RALGPS1: variants seen among roughly 807,000 people sequenced by gnomAD.
The protein encoded by RALGPS1 is Ral GEF with PH domain and SH3 binding motif 1, also known as ras-specific guanine nucleotide-releasing factor RalGPS1.
A neutral mutation model predicts 78.8 loss-of-function variants in RALGPS1; 19 were observed. That is an observed-to-expected ratio of 0.24 (90% CI 0.17 to 0.35). The LOEUF is 0.35. Among genes scored for constraint, RALGPS1 ranks in the 10% least tolerant of loss-of-function variants. The pLI is 1.00. For missense variants in RALGPS1, 454 were observed against 688.3 expected, an observed-to-expected ratio of 0.66 and a Z score of 3.81; for synonymous variants, 228 against 256.3, an observed-to-expected ratio of 0.89 and a Z score of 1.06.
Position 127,221,961 on chromosome 9 carries a change from G to A in RALGPS1, c.*3192G>A. The A allele has an allele frequency of 6.6e-6, 1 of 152,046 alleles. No individual in the cohort carries two copies. The highest frequency in any genetic ancestry group is 1.9e-4 in the East Asian group (1 of 5,198). 9.4% of individuals were successfully genotyped at this position (152,046 alleles called of 1,614,324 possible). On this transcript the variant is annotated 3_prime_UTR_variant, in exon 19 of 19. Coordinates refer to ENST00000259351, the MANE Select transcript of RALGPS1 (RefSeq NM_014636.3). ...AGCACTGCCAAAAATACAGCTTTCT[G>A]GTTTGTGAGCCCATAAATGACTTAA...
intron 4 of RALGPS1, among the ~76,000 whole-genome samples, chr9:126,994,960 CT>C (rs1021553301): frequency 1.3e-5 from 2 of 152,174 alleles, no homozygotes; most frequent in African/African-American, 4.8e-5. Context: ...AAATAAAACA[CT>C]TTACAGACAA....
In RALGPS1 at chr9:127,214,716, C is replaced by T. The variant is rs1490966740; in HGVS notation, c.1553-35C>T. On this transcript the variant is annotated intron_variant, in intron 17 of 18. Transcript: ENST00000259351. Reference sequence around the variant, plus strand: ...GTCACCAGCTGACCCTCCTACGTGGCCCTCTTCTTAACTCATGGTTTCTCT... The same window carrying T: ...GTCACCAGCTGACCCTCCTACGTGGTCCTCTTCTTAACTCATGGTTTCTCT... The T allele has an allele frequency of 6.3e-6, 10 of 1,581,982 alleles. No homozygotes were observed. In the East Asian group the frequency reaches 2.1e-4, roughly 33 times the overall value.
At chr9:127,034,279 C>G in intron 4 of RALGPS1, 152 bp from the exon 5 acceptor site, 2 of 686,422 alleles carry the variant, frequency 2.9e-6, no homozygotes, top group Non-Finnish European at 5.3e-6. Flanking sequence ...CACCTACAAA[C>G]CCAGCCCTTC....
chr9:127,203,441 A>G (rs2061750446), intron 14 of RALGPS1, among the ~76,000 whole-genome samples: 2 of 152,356 alleles, frequency 1.3e-5, no homozygotes, highest in East Asian at 3.9e-4. Flanking sequence ...CCCTGGTCGG[A>G]ATCACCTGTC....
chr9:127,127,423 C>T (rs2056697472), intron 8 of RALGPS1, among the ~76,000 whole-genome samples: 1 of 152,204 alleles, frequency 6.6e-6, no homozygotes, highest in African/African-American at 2.4e-5. Flanking sequence ...AATTTGTTTT[C>T]TCACCCAAAC....
chr9:127,022,933 A>G (rs1007490790), intron 4 of RALGPS1, among the ~76,000 whole-genome samples: 2 of 152,246 alleles, frequency 1.3e-5, no homozygotes, highest in Admixed American at 6.5e-5. Context: ...CCATGAAAGT[A>G]AGAGCATGTT....
intron 1 of RALGPS1, among the ~76,000 whole-genome samples, chr9:126,926,755 A>C (rs1448387898): frequency 6.6e-6 from 1 of 152,086 alleles, no homozygotes; most frequent in Non-Finnish European, 1.5e-5. Context: ...GGGTTATTAT[A>C]GGAATTCAGG....
chr9:126,994,152 C>T, intron 4 of RALGPS1, among the ~76,000 whole-genome samples: 1 of 152,196 alleles, frequency 6.6e-6, no homozygotes, highest in East Asian at 1.9e-4. Flanking sequence ...CACAGCTCCT[C>T]ACCAGCAACA....
intron 4 of RALGPS1, among the ~76,000 whole-genome samples, chr9:126,988,108 A>G (rs1253962370): frequency 2.0e-5 from 3 of 152,240 alleles, no homozygotes; most frequent in Non-Finnish European, 4.4e-5. Context: ...ACCAAAATCC[A>G]GAGGATGAGT....
At chr9:127,112,632 A>G (rs1196860830) in intron 8 of RALGPS1, among the ~76,000 whole-genome samples, 1 of 152,240 alleles carries the variant, frequency 6.6e-6, no homozygotes, top group African/African-American at 2.4e-5. Flanking sequence ...TGAGACCTCA[A>G]AGGCTGAGTC....
intron 4 of RALGPS1, chr9:126,990,009 T>C (rs1395664321): frequency 6.5e-7 from 1 of 1,549,970 alleles, no homozygotes; most frequent in Non-Finnish European, 8.7e-7. Flanking sequence ...CCTGACCCTC[T>C]GGCCTTTTGT....
chr9:127,094,553 G>A (rs2052884363), intron 8 of RALGPS1, among the ~76,000 whole-genome samples: 1 of 152,250 alleles, frequency 6.6e-6, no homozygotes, highest in Non-Finnish European at 1.5e-5. Context: ...CCTAGGCCAT[G>A]CCCAGAATTT....
chr9:127,162,487 T>C (rs1028615353), intron 8 of RALGPS1, among the ~76,000 whole-genome samples: 3 of 152,218 alleles, frequency 2.0e-5, no homozygotes, highest in African/African-American at 7.2e-5. Flanking sequence ...GCTTGTGCTG[T>C]GGTTTTCATT....
intron 1 of RALGPS1, among the ~76,000 whole-genome samples, chr9:126,948,061 G>C (rs1039763163): frequency 1.3e-5 from 2 of 152,102 alleles, no homozygotes; most frequent in African/African-American, 2.4e-5. Flanking sequence ...CAGAGTATCT[G>C]TGTGGGTGTG....
At chr9:126,982,919 CTTCTTCTTCTTTTTTTTTTT>C (rs1196947286) in intron 4 of RALGPS1, among the ~76,000 whole-genome samples, 1 of 76,366 alleles carries the variant, frequency 1.3e-5, no homozygotes, top group Non-Finnish European at 2.9e-5. Context: ...TCTTCTTCTT[CTTCTTCTTCTTTTTTTTTTT>C]TTTTTTTTTT....
intron 4 of RALGPS1, among the ~76,000 whole-genome samples, chr9:126,986,500 C>T (rs1458043534): frequency 6.6e-6 from 1 of 152,090 alleles, no homozygotes; most frequent in African/African-American, 2.4e-5. Flanking sequence ...TAGCAGCCTT[C>T]TAAAAGGGTA....
At position 127,215,411 on chromosome 9, in the gene RALGPS1, C is replaced by T. The variant is rs141397791; in HGVS notation, c.1644+569C>T. On this transcript the variant is annotated intron_variant, in intron 18 of 18. Coordinates refer to ENST00000259351, the MANE Select transcript of RALGPS1 (RefSeq NM_014636.3). ...CTCCCCTGGTCGCCCCCAGCCGTCC[C>T]ACGAAGGGTGTTATGCGAAATGTTT... Among the ~76,000 whole-genome samples, 180 of 152,380 alleles carry T rather than the reference C, an allele frequency of 1.2e-3. 1 individual carries two copies. Among genetic ancestry groups the T allele is most frequent in the African/African-American group, 4.3e-3 (179 of 41,590 alleles).
intron 4 of RALGPS1, among the ~76,000 whole-genome samples, chr9:126,996,261 A>G (rs979058421): frequency 6.6e-6 from 1 of 152,242 alleles, no homozygotes; most frequent in African/African-American, 2.4e-5. Context: ...TTTTGAAAAG[A>G]TCAACAAAAT....
At chr9:127,020,191 C>A (rs768968947) in intron 4 of RALGPS1, among the ~76,000 whole-genome samples, 22 of 152,044 alleles carry the variant, frequency 1.4e-4, no homozygotes, top group Non-Finnish European at 2.6e-4. Flanking sequence ...ACCATGTGGT[C>A]TTGGAACCTT....
Sources: gnomAD v4.1 joint callset for allele counts (sites outside exome capture counted in the v4.1 genomes callset) on GRCh38, gnomAD v4.1.1 for gene constraint, MANE v1.5 for transcripts, NCBI Gene and HGNC (gene_info 2026-07-23, HGNC 2026-07-21) for gene names.